Variants in GPHN observed in about 807,000 individuals in gnomAD.
The protein encoded by GPHN is gephyrin.
GPHN carries 17 observed loss-of-function variants against 95.5 expected under a neutral mutation model. The observed-to-expected ratio is 0.18, with a 90% CI of 0.12 to 0.27. The LOEUF (loss-of-function observed/expected upper bound fraction) is 0.27. Ranked by LOEUF, GPHN falls within the 10% of genes least tolerant of loss-of-function variation. The pLI, the probability that GPHN is intolerant of heterozygous loss-of-function variation, is 1.00. For synonymous variants in GPHN, 320 were observed against 322.5 expected (o/e 0.99, Z 0.08); for missense variants, 660 against 978.1 (o/e 0.67, Z 4.34).
At chr14:67,339,422 C>T in the GPHN span, among the ~76,000 whole-genome samples, 1 of 152,040 alleles carries the variant, frequency 6.6e-6, no homozygotes, top group African/African-American at 2.4e-5. Context: ...CAGAAACTAA[C>T]CTTTGATAAT....
the GPHN span, among the ~76,000 whole-genome samples, chr14:67,288,904 C>T: frequency 7.3e-5 from 11 of 151,328 alleles, no homozygotes; most frequent in Admixed American, 4.6e-4. Context: ...TACTGATGAA[C>T]GCACATATAT....
At chr14:66,513,165 T>TGATAA (rs2058105216) in intron 1 of GPHN, among the ~76,000 whole-genome samples, 1 of 151,816 alleles carries the variant, frequency 6.6e-6, no homozygotes, top group Non-Finnish European at 1.5e-5. Flanking sequence ...ACTATTATCA[T>TGATAA]TGGTCAAAGA....
intron 8 of GPHN, among the ~76,000 whole-genome samples, chr14:66,935,656 G>A (rs945145839): frequency 6.6e-6 from 1 of 151,362 alleles, no homozygotes; most frequent in African/African-American, 2.4e-5. Context: ...GTGTATACGT[G>A]TGTTTATGTA....
chr14:66,590,658 A>G (rs1026250236), intron 1 of GPHN, among the ~76,000 whole-genome samples: 7 of 152,176 alleles, frequency 4.6e-5, no homozygotes, highest in East Asian at 1.9e-4. Context: ...TGAGGCAGTA[A>G]TTAATAGCCT....
At chr14:67,606,182 G>A in the GPHN span, among the ~76,000 whole-genome samples, 9 of 152,088 alleles carry the variant, frequency 5.9e-5, no homozygotes, top group Admixed American at 1.3e-4. Context: ...AATGACAGTG[G>A]GAAAAAAATA....
the GPHN span, among the ~76,000 whole-genome samples, chr14:67,228,026 T>C: frequency 6.6e-6 from 1 of 152,008 alleles, no homozygotes; most frequent in Non-Finnish European, 1.5e-5. Flanking sequence ...AAAAATCACC[T>C]GGATGTGGTG....
At chr14:66,803,785 G>A (rs565499751) in intron 3 of GPHN, among the ~76,000 whole-genome samples, 1 of 151,710 alleles carries the variant, frequency 6.6e-6, no homozygotes, top group East Asian at 1.9e-4. Flanking sequence ...ATGTTTTGTA[G>A]TGTTTCTCCC....
the GPHN span, among the ~76,000 whole-genome samples, chr14:67,733,025 G>T: frequency 6.6e-6 from 1 of 152,094 alleles, no homozygotes; most frequent in Non-Finnish European, 1.5e-5. Flanking sequence ...AATGCTAAAT[G>T]ACGAGTTCAT....
chr14:67,027,700 A>C (rs1459323115), intron 10 of GPHN, among the ~76,000 whole-genome samples: 1 of 127,472 alleles, frequency 7.8e-6, no homozygotes, highest in Non-Finnish European at 1.5e-5. Flanking sequence ...CCTGGGATTA[A>C]CTTTTCTAGA....
chr14:67,077,141 GT>G (rs2153660777), intron 11 of GPHN, among the ~76,000 whole-genome samples: 1 of 151,852 alleles, frequency 6.6e-6, no homozygotes, highest in African/African-American at 2.4e-5. Flanking sequence ...TGTGGGTTTT[GT>G]TTTGTTTTGT....
At chr14:67,236,357 C>T in the GPHN span, among the ~76,000 whole-genome samples, 3 of 152,156 alleles carry the variant, frequency 2.0e-5, no homozygotes, top group Non-Finnish European at 2.9e-5. Flanking sequence ...GATAGTAAAG[C>T]TCCTCCTGGT....
At chr14:66,515,574 A>G (rs1006948251) in intron 1 of GPHN, among the ~76,000 whole-genome samples, 1 of 152,202 alleles carries the variant, frequency 6.6e-6, no homozygotes, top group African/African-American at 2.4e-5. Flanking sequence ...TAGGTAAAAA[A>G]ATTCTGAAAA....
chr14:67,015,454 T>C (rs970189203), intron 9 of GPHN, among the ~76,000 whole-genome samples: 8 of 152,106 alleles, frequency 5.3e-5, no homozygotes, highest in African/African-American at 1.9e-4. Context: ...ATCACAGCAC[T>C]TTGGGAGGCC....
rs1255382152 is a variant in GPHN at position 66,916,024 on chromosome 14, G to C, written c.411G>C (p.Gly137=). ...MLSRPVCGIR[G]KTLIINLPGS... is the part of the protein sequence containing the mutation. The stretch of plus-strand genomic sequence containing the variant: ...TCAGGCCTGTATGTGGAATCAGAGG[G>C]AAAACGCTCATAATTAACCTGCCAG... The change falls in exon 6 of 23, where the codon GGG becomes GGC. Residue 137 remains glycine, a synonymous_variant. Transcript: ENST00000478722. 3 of 1,602,962 alleles carry C rather than the reference G, an allele frequency of 1.9e-6. No individual in the cohort carries two copies. The highest frequency in any genetic ancestry group is 2.6e-6 in the Non-Finnish European group (3 of 1,169,974).
chr14:67,320,942 G>C, the GPHN span: 1 of 844,282 alleles, frequency 1.2e-6, no homozygotes, highest in Non-Finnish European at 1.9e-6. Context: ...CATTTTCTCA[G>C]TTTATTATTT....
At chr14:67,652,739 G>A in the GPHN span, 1 of 152,176 alleles carries the variant, frequency 6.6e-6, no homozygotes, top group Non-Finnish European at 1.5e-5. Context: ...GGCAAGCAGA[G>A]CCAAAAGCAA....
At chr14:67,505,900 C>A in the GPHN span, among the ~76,000 whole-genome samples, 6 of 152,038 alleles carry the variant, frequency 3.9e-5, no homozygotes, top group Admixed American at 3.3e-4. Flanking sequence ...GGGTTTCCAC[C>A]ATGTTGGCCA....
At chr14:66,737,518 G>A (rs971138288) in intron 2 of GPHN, among the ~76,000 whole-genome samples, 1 of 151,924 alleles carries the variant, frequency 6.6e-6, no homozygotes, top group Non-Finnish European at 1.5e-5. Context: ...TGGAGTTTTG[G>A]TTGTTTTTCT....
chr14:67,206,628 C>A, the GPHN span, among the ~76,000 whole-genome samples: 1 of 152,108 alleles, frequency 6.6e-6, no homozygotes, highest in African/African-American at 2.4e-5. Flanking sequence ...GACAGAACTT[C>A]AAGATGATCT....
Sources: gnomAD v4.1 joint callset for allele counts (sites outside exome capture counted in the v4.1 genomes callset) on GRCh38, gnomAD v4.1.1 for gene constraint, MANE v1.5 for transcripts, NCBI Gene and HGNC (gene_info 2026-07-23, HGNC 2026-07-21) for gene names.